FAF1: variants seen among roughly 807,000 people sequenced by gnomAD.
The protein encoded by FAF1 is Fas associated factor 1.
A neutral mutation model predicts 92.5 loss-of-function variants in FAF1; 25 were observed. The observed-to-expected ratio is 0.27, with a 90% CI of 0.20 to 0.38. The LOEUF is 0.38. Among genes scored for constraint, FAF1 ranks in the 10% least tolerant of loss-of-function variants. The probability of loss-of-function intolerance (pLI) is 1.00; values close to 1 mark genes in which losing one functional copy is unlikely to be tolerated. For synonymous variants in FAF1, 234 were observed against 273.2 expected, an observed-to-expected ratio of 0.86 and a Z score of 1.42; for missense variants, 636 against 793.3, an observed-to-expected ratio of 0.80 and a Z score of 2.38.
intron 2 of FAF1, among the ~76,000 whole-genome samples, chr1:50,825,480 C>G (rs942233868): frequency 6.6e-6 from 1 of 151,610 alleles, no homozygotes; most frequent in African/African-American, 2.4e-5. Context: ...GTCACTCTAC[C>G]CAGAATATGT....
chr1:50,720,191 G>A (rs937264541), intron 6 of FAF1, among the ~76,000 whole-genome samples: 13 of 151,996 alleles, frequency 8.6e-5, no homozygotes, highest in Non-Finnish European at 1.9e-4. Flanking sequence ...TAGTAGAGAC[G>A]GGGGTTTGCC....
chr1:50,885,304 TCTCTCTCTCACACACACACA>T (rs1338085881), intron 1 of FAF1, among the ~76,000 whole-genome samples: 17 of 127,502 alleles, frequency 1.3e-4, no homozygotes, highest in Admixed American at 5.9e-4. Context: ...TTTCTCTCTC[TCTCTCTCTCACACACACACA>T]CTCTCTCTCT....
intron 12 of FAF1, among the ~76,000 whole-genome samples, chr1:50,575,734 C>T (rs895772541): frequency 2.6e-5 from 4 of 152,036 alleles, no homozygotes; most frequent in African/African-American, 4.8e-5. Context: ...GAAAAAATAA[C>T]ACAGACAAGA....
At position 50,701,465 on chromosome 1, in the gene FAF1, T is replaced by C. The variant is rs1309101861; in HGVS notation, c.657+4321A>G. On this transcript the variant is annotated intron_variant, in intron 7 of 18. Transcript: ENST00000396153. ...GGCCATGTTAGTTAAGGAGTTATAGTCAACCCACTACTAGAACATCAATAA... is the reference window on the plus strand; with the variant it reads ...GGCCATGTTAGTTAAGGAGTTATAGCCAACCCACTACTAGAACATCAATAA... Among the ~76,000 whole-genome samples the C allele has an allele frequency of 2.0e-5, 3 of 152,064 alleles. No homozygotes were observed. The East Asian group carries it at 5.8e-4, about 29-fold the overall frequency.
At chr1:50,549,632 G>T (rs1433671943) in intron 13 of FAF1, among the ~76,000 whole-genome samples, 1 of 152,014 alleles carries the variant, frequency 6.6e-6, no homozygotes, top group African/African-American at 2.4e-5. Context: ...AAAAGTAGCT[G>T]GGCGTGGTAG....
chr1:50,633,878 C>T (rs1431907442), intron 8 of FAF1, among the ~76,000 whole-genome samples: 1 of 152,192 alleles, frequency 6.6e-6, no homozygotes, highest in Non-Finnish European at 1.5e-5. Flanking sequence ...TCTGAATCCA[C>T]AGCATTCAAA....
chr1:50,944,417 G>T (rs888841235), intron 1 of FAF1, among the ~76,000 whole-genome samples: 1 of 152,204 alleles, frequency 6.6e-6, no homozygotes. Context: ...TGGGGTCTAA[G>T]ATGGTCCCTC....
intron 8 of FAF1, among the ~76,000 whole-genome samples, chr1:50,627,842 T>TC (rs1653580270): frequency 6.6e-6 from 1 of 152,240 alleles, no homozygotes; most frequent in African/African-American, 2.4e-5. Context: ...ACATTTTTTT[T>TC]TTTAAATGCT....
At position 50,535,415 on chromosome 1, in the gene FAF1, G is replaced by A. The variant is rs1025446342; in HGVS notation, c.1448C>T (p.Ala483Val). 1.9e-6 allele frequency: 3 copies of A among 1,612,238 alleles called. No individual in the cohort carries two copies. Among genetic ancestry groups the A allele is most frequent in the Non-Finnish European group, 2.5e-6 (3 of 1,178,872 alleles). ...TTGTTGGGCTGTGAAGATCTCCATT[G>A]CAGCCATGAGTCTCATCATTAACTC... Reference protein sequence around the residue: ...VDELMMRLMAAMEIFTAQQQE... With the variant: ...VDELMMRLMAVMEIFTAQQQE... The change falls in exon 15 of 19, where the codon GCA (alanine) becomes GTA (valine). Residue 483 changes from alanine (A) to valine (V), a missense_variant. By Grantham distance (64) the Ala-to-Val change is moderately conservative. This residue lies in a region of FAF1 where 319 missense variants were observed against 451.0 expected (regional missense o/e 0.71). Coordinates refer to ENST00000396153, the MANE Select transcript of FAF1 (RefSeq NM_007051.3).
intron 15 of FAF1, among the ~76,000 whole-genome samples, chr1:50,494,942 T>C (rs1007507484): frequency 6.6e-6 from 1 of 152,166 alleles, no homozygotes; most frequent in East Asian, 1.9e-4. Context: ...TGTTAAGAAG[T>C]GTTAGAATTA....
chr1:50,481,537 T>G (rs1249360982), intron 17 of FAF1, among the ~76,000 whole-genome samples: 1 of 152,192 alleles, frequency 6.6e-6, no homozygotes, highest in Non-Finnish European at 1.5e-5. Flanking sequence ...ATAGCCTAGG[T>G]GTGTAGCAGG....
intron 6 of FAF1, among the ~76,000 whole-genome samples, chr1:50,730,057 G>A (rs1658853821): frequency 6.6e-6 from 1 of 152,022 alleles, no homozygotes; most frequent in African/African-American, 2.4e-5. Context: ...TTTGTTCCAT[G>A]AAAATTTATG....
At chr1:50,907,825 C>T (rs949897039) in intron 1 of FAF1, among the ~76,000 whole-genome samples, 8 of 152,130 alleles carry the variant, frequency 5.3e-5, no homozygotes, top group African/African-American at 1.2e-4. Context: ...AAATCACCTC[C>T]TGGATTCATT....
intron 12 of FAF1, among the ~76,000 whole-genome samples, chr1:50,568,709 A>G (rs1650284526): frequency 6.6e-6 from 1 of 152,298 alleles, no homozygotes; most frequent in South Asian, 2.1e-4. Flanking sequence ...AACTAATACA[A>G]CGAGGATTGG....
intron 8 of FAF1, chr1:50,612,573 G>T: frequency 3.5e-6 from 2 of 573,764 alleles, no homozygotes; most frequent in Non-Finnish European, 4.4e-6. Flanking sequence ...TCAACACTGT[G>T]GAACTCTTTG....
chr1:50,597,487 A>T (rs960350417), intron 8 of FAF1, among the ~76,000 whole-genome samples: 2 of 152,164 alleles, frequency 1.3e-5, no homozygotes, highest in African/African-American at 4.8e-5. Flanking sequence ...ATCATGAAAT[A>T]TGAGGGTAGC....
chr1:50,758,887 G>A (rs186271290), intron 4 of FAF1, among the ~76,000 whole-genome samples: 152 of 152,150 alleles, frequency 1.0e-3, no homozygotes, highest in African/African-American at 3.4e-3. Context: ...CTGTTGCCCA[G>A]GCTAGAGTGC....
At chr1:50,523,476 T>A (rs978269876) in intron 15 of FAF1, among the ~76,000 whole-genome samples, 4 of 152,182 alleles carry the variant, frequency 2.6e-5, no homozygotes, top group Non-Finnish European at 4.4e-5. Flanking sequence ...TGAAGTGGCA[T>A]CTTATTTGTG....
intron 8 of FAF1, among the ~76,000 whole-genome samples, chr1:50,607,914 C>T (rs1572865772): frequency 6.6e-6 from 1 of 152,186 alleles, no homozygotes; most frequent in East Asian, 1.9e-4. Context: ...AAAACTAGGG[C>T]TTAGCACAGA....
Sources: gnomAD v4.1 joint callset for allele counts (sites outside exome capture counted in the v4.1 genomes callset) on GRCh38, gnomAD v4.1.1 for gene constraint, gnomAD v4.1.1 regional missense constraint, MANE v1.5 for transcripts, NCBI Gene and HGNC (gene_info 2026-07-23, HGNC 2026-07-21) for gene names.